The following RPS6KC1 variants were observed in gnomAD, a reference collection of about 807,000 sequenced individuals.
The protein encoded by RPS6KC1 is ribosomal protein S6 kinase C1.
Under a neutral mutation model 103.8 loss-of-function variants are expected in RPS6KC1, and 54 were observed. The ratio of observed to expected loss-of-function variants is 0.52; its 90% CI spans 0.42 to 0.65. RPS6KC1 has a LOEUF of 0.65. Among genes scored for constraint, RPS6KC1 ranks in the 30% least tolerant of loss-of-function variants. The probability of loss-of-function intolerance (pLI) is 0.00; values close to 1 mark genes in which losing one functional copy is unlikely to be tolerated. For missense variants in RPS6KC1, 1,151 were observed against 1,253.8 expected, an observed-to-expected ratio of 0.92 and a Z score of 1.24; for synonymous variants, 439 against 438.7, an observed-to-expected ratio of 1.00 and a Z score of -0.01.
the RPS6KC1 span, among the ~76,000 whole-genome samples, chr1:213,619,207 A>T: frequency 6.6e-6 from 1 of 152,212 alleles, no homozygotes; most frequent in Non-Finnish European, 1.5e-5. Flanking sequence ...AGATCTTCTC[A>T]TGATCACAAG....
At chr1:213,071,867 AT>A (rs933072902) in intron 2 of RPS6KC1, among the ~76,000 whole-genome samples, 26 of 147,288 alleles carry the variant, frequency 1.8e-4, no homozygotes, top group African/African-American at 6.5e-4. Context: ...GCATTTTTTC[AT>A]TTTTTTTCCT....
chr1:213,656,841 A>G, the RPS6KC1 span, among the ~76,000 whole-genome samples: 1 of 152,230 alleles, frequency 6.6e-6, no homozygotes, highest in Non-Finnish European at 1.5e-5. Context: ...ACTATTCACA[A>G]CGATCATTTC....
the RPS6KC1 span, among the ~76,000 whole-genome samples, chr1:213,431,474 C>T: frequency 1.3e-5 from 2 of 152,136 alleles, no homozygotes; most frequent in Non-Finnish European, 2.9e-5. Context: ...ATCCACTCTC[C>T]CCTAAAGCTA....
intron 13 of RPS6KC1, 84 bp from the exon 14 acceptor site, chr1:213,262,637 C>T (rs1397551925): frequency 6.7e-6 from 6 of 889,352 alleles, no homozygotes; most frequent in Non-Finnish European, 1.9e-6. Flanking sequence ...GTTGAGCTCT[C>T]TGTACTTGCT....
At chr1:213,754,310 G>A in the RPS6KC1 span, among the ~76,000 whole-genome samples, 275 of 152,310 alleles carry the variant, frequency 1.8e-3, no homozygotes, top group African/African-American at 6.4e-3. Flanking sequence ...CCACTAATCC[G>A]TTAAGGAGGG....
At chr1:213,377,343 C>T in the RPS6KC1 span, among the ~76,000 whole-genome samples, 8 of 152,296 alleles carry the variant, frequency 5.3e-5, no homozygotes, top group South Asian at 2.1e-4. Context: ...TGCTTCCCAT[C>T]GATTTGATCT....
the RPS6KC1 span, chr1:213,731,541 C>A: frequency 2.0e-5 from 3 of 152,158 alleles, no homozygotes; most frequent in Non-Finnish European, 4.4e-5. Flanking sequence ...GGAAGATGAA[C>A]CCCTTCTTCA....
chr1:213,524,024 C>G, the RPS6KC1 span, among the ~76,000 whole-genome samples: 1,605 of 152,116 alleles, frequency 0.011, 30 homozygotes, highest in African/African-American at 0.037. Flanking sequence ...CGGTGACTCC[C>G]AAAGAGCATA....
the RPS6KC1 span, among the ~76,000 whole-genome samples, chr1:213,610,084 C>A: frequency 6.6e-6 from 1 of 152,122 alleles, no homozygotes; most frequent in Middle Eastern, 3.2e-3. Context: ...TTGTCTTAAA[C>A]CACGCCTTTG....
the RPS6KC1 span, among the ~76,000 whole-genome samples, chr1:213,326,488 A>G: frequency 6.6e-6 from 1 of 152,212 alleles, no homozygotes; most frequent in Non-Finnish European, 1.5e-5. Flanking sequence ...ATTCATCTTC[A>G]TTGCTAATCA....
chr1:213,783,014 T>C, the RPS6KC1 span, among the ~76,000 whole-genome samples: 1 of 152,202 alleles, frequency 6.6e-6, no homozygotes, highest in Non-Finnish European at 1.5e-5. Context: ...CTATTGTTAT[T>C]ATCATTATTT....
chr1:213,139,107 T>TTTGATTTGCATTTCTCTGATGATCAGTG lies in RPS6KC1; in HGVS notation c.835+9218_835+9219insTTGATTTGCATTTCTCTGATGATCAGTG, dbSNP rs1331403963. ...GATTTGCATTTCTCTACTGATTAGT[T>TTTGATTTGCATTTCTCTGATGATCAGTG]ATATTGAGCATGTTTTCATATGTTT... On this transcript the variant is annotated intron_variant, in intron 6 of 14. Transcript: ENST00000366960. Among the ~76,000 whole-genome samples, 176 of 151,656 alleles carry TTTGATTTGCATTTCTCTGATGATCAGTG rather than the reference T, an allele frequency of 1.2e-3. 6 individuals are homozygous for TTTGATTTGCATTTCTCTGATGATCAGTG. The highest frequency in any genetic ancestry group is 0.01 in the Admixed American group (149 of 14,788).
chr1:213,247,609 C>T (rs774273381), intron 12 of RPS6KC1, among the ~76,000 whole-genome samples: 2 of 152,132 alleles, frequency 1.3e-5, no homozygotes, highest in Non-Finnish European at 2.9e-5. Flanking sequence ...TTGAGAACTA[C>T]CAAACCTGCA....
At chr1:213,270,038 A>G (rs2095008562) in intron 14 of RPS6KC1, among the ~76,000 whole-genome samples, 1 of 152,176 alleles carries the variant, frequency 6.6e-6, no homozygotes, top group Non-Finnish European at 1.5e-5. Flanking sequence ...GATCAGCAAA[A>G]TTGGGAAACC....
At chr1:213,412,963 G>T in the RPS6KC1 span, among the ~76,000 whole-genome samples, 5 of 152,172 alleles carry the variant, frequency 3.3e-5, no homozygotes, top group Admixed American at 6.5e-5. Flanking sequence ...ACTGACTTGG[G>T]TCTATAATCT....
At chr1:213,069,001 T>A (rs2078620817) in intron 1 of RPS6KC1, among the ~76,000 whole-genome samples, 1 of 151,610 alleles carries the variant, frequency 6.6e-6, no homozygotes, top group Non-Finnish European at 1.5e-5. Context: ...GAGGCTGCAG[T>A]GAGCTATGAT....
At chr1:213,578,465 C>T in the RPS6KC1 span, among the ~76,000 whole-genome samples, 5 of 152,170 alleles carry the variant, frequency 3.3e-5, no homozygotes, top group East Asian at 3.9e-4. Context: ...GAACTGTGCA[C>T]CTGGAAAAGT....
intron 12 of RPS6KC1, among the ~76,000 whole-genome samples, chr1:213,244,568 T>C (rs1198741444): frequency 6.6e-6 from 1 of 152,198 alleles, no homozygotes; most frequent in Admixed American, 6.5e-5. Flanking sequence ...TTCTTTATTC[T>C]CAAGCACAGT....
At chr1:213,144,815 G>T (rs371840498) in intron 6 of RPS6KC1, among the ~76,000 whole-genome samples, 12 of 152,000 alleles carry the variant, frequency 7.9e-5, no homozygotes, top group African/African-American at 2.9e-4. Flanking sequence ...AGAGGTTCAC[G>T]CCTGTAATCC....
Sources: gnomAD v4.1 joint callset for allele counts (sites outside exome capture counted in the v4.1 genomes callset) on GRCh38, gnomAD v4.1.1 for gene constraint, MANE v1.5 for transcripts, NCBI Gene and HGNC (gene_info 2026-07-23, HGNC 2026-07-21) for gene names.